The following CSMD1 variants were observed in gnomAD, a reference collection of about 807,000 sequenced individuals.
The protein encoded by CSMD1 is CUB and Sushi multiple domains 1.
In CSMD1, 213 loss-of-function variants were observed where a neutral mutation model predicts 417.5. That is an observed-to-expected ratio of 0.51 (90% CI 0.46 to 0.57). The LOEUF is 0.57. Among genes scored for constraint, CSMD1 ranks in the 20% least tolerant of loss-of-function variants. CSMD1 has a pLI of 0.00. For missense variants in CSMD1, 6,923 were observed against 4,529.7 expected (o/e 1.53, Z -15.17); for synonymous variants, 2,862 against 1,736.8 (o/e 1.65, Z -16.11).
intron 3 of CSMD1, among the ~76,000 whole-genome samples, chr8:4,385,537 T>C (rs548736868): frequency 6.6e-6 from 1 of 152,344 alleles, no homozygotes; most frequent in South Asian, 2.1e-4. Flanking sequence ...TAATCTCCTT[T>C]CATTTTTTTG....
intron 6 of CSMD1, among the ~76,000 whole-genome samples, chr8:3,716,307 G>C (rs1473904686): frequency 2.0e-5 from 3 of 152,168 alleles, no homozygotes; most frequent in Non-Finnish European, 4.4e-5. Context: ...AGACTAAAGT[G>C]AAAGCAAGTT....
At chr8:4,885,733 T>C (rs56230864) in intron 1 of CSMD1, among the ~76,000 whole-genome samples, 34,747 of 151,442 alleles carry the variant, frequency 0.23, 5,092 homozygotes, top group East Asian at 0.43. Context: ...TTATAATATA[T>C]AGTAAATAAA....
In CSMD1 at chr8:3,124,159, G is replaced by T. The variant is rs907757224; in HGVS notation, c.6242-5572C>A. On this transcript the variant is annotated intron_variant, in intron 41 of 69. Coordinates refer to ENST00000635120, the MANE Select transcript of CSMD1 (RefSeq NM_033225.6). ...GTGTGCGTGTGGGGAGGGGGGAGCA[G>T]ATTAGCCCATATGGGCAGTACAGTG... Among the ~76,000 whole-genome samples the T allele has an allele frequency of 2.6e-5, 4 of 152,078 alleles. No homozygotes were observed. The South Asian group carries it at 8.3e-4, about 32-fold the overall frequency.
chr8:3,779,404 G>A (rs962413626), intron 5 of CSMD1, among the ~76,000 whole-genome samples: 1 of 152,088 alleles, frequency 6.6e-6, no homozygotes, highest in African/African-American at 2.4e-5. Flanking sequence ...TGTAATCGAT[G>A]AGCACTACGT....
intron 7 of CSMD1, among the ~76,000 whole-genome samples, chr8:3,617,721 C>T (rs1451825861): frequency 3.9e-5 from 6 of 152,156 alleles, no homozygotes; most frequent in African/African-American, 1.4e-4. Flanking sequence ...GAACCTGGAC[C>T]TGCTACCTTA....
intron 1 of CSMD1, among the ~76,000 whole-genome samples, chr8:4,829,229 T>C (rs1243333758): frequency 6.6e-6 from 1 of 152,204 alleles, no homozygotes; most frequent in Non-Finnish European, 1.5e-5. Flanking sequence ...TAGATGAGAA[T>C]TTTAAAACAT....
chr8:3,592,192 T>C (rs983822631), intron 8 of CSMD1, among the ~76,000 whole-genome samples: 5 of 151,902 alleles, frequency 3.3e-5, no homozygotes, highest in African/African-American at 7.2e-5. Flanking sequence ...AGATGACAGA[T>C]AGATGGACAG....
intron 1 of CSMD1, among the ~76,000 whole-genome samples, chr8:4,665,047 T>C (rs1804829715): frequency 6.6e-6 from 1 of 152,218 alleles, no homozygotes; most frequent in African/African-American, 2.4e-5. Context: ...TGTTTAATTA[T>C]TAATTTGCAG....
chr8:4,782,947 A>C (rs986686296), intron 1 of CSMD1, among the ~76,000 whole-genome samples: 5 of 147,296 alleles, frequency 3.4e-5, no homozygotes, highest in African/African-American at 1.3e-4. Flanking sequence ...TTTTAAAGAC[A>C]CTCAAAAAAA....
chr8:4,049,650 T>C (rs1429435290), intron 3 of CSMD1, among the ~76,000 whole-genome samples: 1 of 152,136 alleles, frequency 6.6e-6, no homozygotes, highest in Non-Finnish European at 1.5e-5. Flanking sequence ...ACATTATATT[T>C]ACTAATCGAC....
intron 3 of CSMD1, among the ~76,000 whole-genome samples, chr8:4,305,770 A>C (rs1798210047): frequency 6.6e-6 from 1 of 152,114 alleles, no homozygotes; most frequent in Non-Finnish European, 1.5e-5. Flanking sequence ...CTGTATTTTA[A>C]ATTTCACTTC....
intron 18 of CSMD1, among the ~76,000 whole-genome samples, chr8:3,379,278 C>G (rs887506995): frequency 1.3e-5 from 2 of 152,152 alleles, no homozygotes; most frequent in African/African-American, 4.8e-5. Flanking sequence ...ACATTCCATG[C>G]TCATGGATAG....
chr8:2,991,475 T>A (rs190798051), intron 54 of CSMD1, among the ~76,000 whole-genome samples: 10 of 152,300 alleles, frequency 6.6e-5, no homozygotes, highest in African/African-American at 2.4e-4. Context: ...AAAGGCCAGA[T>A]ATGGCCTTAT....
intron 2 of CSMD1, among the ~76,000 whole-genome samples, chr8:4,498,002 G>GTAAAC (rs1258979046): frequency 1.3e-5 from 2 of 152,124 alleles, no homozygotes; most frequent in Admixed American, 6.5e-5. Flanking sequence ...GACAAGTACA[G>GTAAAC]TAAACGTCCC....
At chr8:4,851,995 C>A (rs1191130975) in intron 1 of CSMD1, among the ~76,000 whole-genome samples, 2 of 152,184 alleles carry the variant, frequency 1.3e-5, no homozygotes, top group African/African-American at 4.8e-5. Context: ...TAATCTCTCT[C>A]TGGACGCTTG....
At chr8:4,502,596 C>T (rs1802314478) in intron 2 of CSMD1, among the ~76,000 whole-genome samples, 1 of 152,154 alleles carries the variant, frequency 6.6e-6, no homozygotes, top group Non-Finnish European at 1.5e-5. Flanking sequence ...TGCCACTCCT[C>T]ATTTTAAAAA....
In CSMD1 at chr8:3,837,576, T is replaced by C. The variant is rs144171856; in HGVS notation, c.819-83534A>G. ...ACATTACCAATAATGATACTTGAAA[T>C]GACTGACAAGTAAGTTTAGAAGTCT... On this transcript the variant is annotated intron_variant, in intron 5 of 69. Coordinates refer to ENST00000635120, the MANE Select transcript of CSMD1 (RefSeq NM_033225.6). 3.3e-3 allele frequency among the ~76,000 whole-genome samples: 498 copies of C among 152,266 alleles called. 3 individuals are homozygous for C. The highest frequency in any genetic ancestry group is 0.012 in the African/African-American group (489 of 41,570).
At chr8:4,947,089 T>C (rs370699673) in intron 1 of CSMD1, among the ~76,000 whole-genome samples, 2 of 152,220 alleles carry the variant, frequency 1.3e-5, no homozygotes, top group East Asian at 3.8e-4. Context: ...AATCCATTTG[T>C]AGTTACATAG....
At chr8:4,292,283 C>T (rs901073951) in intron 3 of CSMD1, among the ~76,000 whole-genome samples, 57 of 152,218 alleles carry the variant, frequency 3.7e-4, no homozygotes, top group African/African-American at 1.4e-3. Flanking sequence ...GACAGAGTCT[C>T]GCTCTGTCGC....
Sources: gnomAD v4.1 joint callset for allele counts (sites outside exome capture counted in the v4.1 genomes callset) on GRCh38, gnomAD v4.1.1 for gene constraint, MANE v1.5 for transcripts, NCBI Gene and HGNC (gene_info 2026-07-23, HGNC 2026-07-21) for gene names.